DPP10: variants seen among roughly 807,000 people sequenced by gnomAD.
The protein encoded by DPP10 is inactive dipeptidyl peptidase 10.
Under a neutral mutation model 120.9 loss-of-function variants are expected in DPP10, and 33 were observed. That is an observed-to-expected ratio of 0.27 (90% confidence interval 0.21 to 0.37). DPP10 has a LOEUF of 0.37. Among genes scored for constraint, DPP10 ranks in the 10% least tolerant of loss-of-function variants. The pLI is 1.00. For missense variants in DPP10, 816 were observed against 942.8 expected (o/e 0.87, Z 1.76); for synonymous variants, 337 against 326.1 (o/e 1.03, Z -0.36).
intron 1 of DPP10, among the ~76,000 whole-genome samples, chr2:115,101,211 C>G (rs2048678468): frequency 6.6e-6 from 1 of 152,108 alleles, no homozygotes; most frequent in African/African-American, 2.4e-5. Context: ...TTGCTCAATC[C>G]CAGGTGTGCA....
intron 1 of DPP10, among the ~76,000 whole-genome samples, chr2:115,172,323 G>A (rs1289908034): frequency 6.6e-6 from 1 of 151,534 alleles, no homozygotes; most frequent in Non-Finnish European, 1.5e-5. Context: ...GGCGGAGCTT[G>A]CAGTGAGCCC....
chr2:115,056,613 C>T (rs979396263), intron 1 of DPP10, among the ~76,000 whole-genome samples: 4 of 152,100 alleles, frequency 2.6e-5, no homozygotes, highest in Non-Finnish European at 5.9e-5. Flanking sequence ...CTAATTTAAA[C>T]CCCCAAAAGT....
intron 1 of DPP10, among the ~76,000 whole-genome samples, chr2:115,184,236 C>A (rs2054276052): frequency 6.6e-6 from 1 of 152,144 alleles, no homozygotes; most frequent in Non-Finnish European, 1.5e-5. Flanking sequence ...GTTCAGTCAT[C>A]TGAATGATAT....
At chr2:114,967,003 T>C (rs1356972183) in intron 1 of DPP10, among the ~76,000 whole-genome samples, 1 of 151,980 alleles carries the variant, frequency 6.6e-6, no homozygotes, top group African/African-American at 2.4e-5. Flanking sequence ...GACCACACCA[T>C]TGTACACCAG....
chr2:115,000,059 C>A (rs2104993544), intron 1 of DPP10, among the ~76,000 whole-genome samples: 1 of 151,852 alleles, frequency 6.6e-6, no homozygotes, highest in East Asian at 1.9e-4. Context: ...CATGACCATC[C>A]CTAAACTCAG....
intron 1 of DPP10, among the ~76,000 whole-genome samples, chr2:114,667,928 A>G (rs1358503705): frequency 6.6e-6 from 1 of 152,198 alleles, no homozygotes; most frequent in Non-Finnish European, 1.5e-5. Context: ...AGTTTTACAA[A>G]TATTCAATAA....
chr2:114,531,317 T>G (rs1343165141), intron 1 of DPP10, among the ~76,000 whole-genome samples: 3 of 152,080 alleles, frequency 2.0e-5, no homozygotes, highest in East Asian at 3.9e-4. Flanking sequence ...TCTTCAAGAA[T>G]TTCTCTGAAG....
chr2:115,086,995 A>G (rs764543270), intron 1 of DPP10, among the ~76,000 whole-genome samples: 20 of 152,218 alleles, frequency 1.3e-4, no homozygotes, highest in Non-Finnish European at 2.6e-4. Context: ...TCACGAGAGC[A>G]AACAGTGCAG....
At chr2:115,577,437 A>AG (rs2081743924) in intron 5 of DPP10, among the ~76,000 whole-genome samples, 1 of 152,158 alleles carries the variant, frequency 6.6e-6, no homozygotes, top group Admixed American at 6.5e-5. Flanking sequence ...ATATTAATGG[A>AG]GCCTCTCTCA....
intron 1 of DPP10, among the ~76,000 whole-genome samples, chr2:114,529,587 T>C (rs1006959825): frequency 2.6e-5 from 4 of 152,206 alleles, no homozygotes; most frequent in African/African-American, 9.6e-5. Context: ...TTGAAGGTCT[T>C]CTTTAATTCT....
Position 115,180,919 on chromosome 2 carries a change from T to C in DPP10, c.61-128320T>C, listed in dbSNP as rs868689249. On this transcript the variant is annotated intron_variant, in intron 1 of 25. Transcript: ENST00000410059. ...CTCCCTCCCTCCATGCCTCCCTTCC[T>C]CCTGCCTCCCTCCCTTTCTTAAGCA... Among the ~76,000 whole-genome samples, 4 of 152,108 alleles carry C rather than the reference T, an allele frequency of 2.6e-5. No homozygotes were observed. The South Asian group carries it at 8.3e-4, about 32-fold the overall frequency.
At chr2:115,005,253 C>T (rs1258365051) in intron 1 of DPP10, among the ~76,000 whole-genome samples, 3 of 152,080 alleles carry the variant, frequency 2.0e-5, no homozygotes, top group Non-Finnish European at 2.9e-5. Flanking sequence ...TAGATAAAAC[C>T]ACAAAGATGG....
intron 1 of DPP10, among the ~76,000 whole-genome samples, chr2:114,988,612 A>T (rs1052452696): frequency 6.6e-6 from 1 of 152,146 alleles, no homozygotes; most frequent in South Asian, 2.1e-4. Flanking sequence ...CTCTTTTTGT[A>T]GCCCTTTTTC....
intron 1 of DPP10, among the ~76,000 whole-genome samples, chr2:114,543,867 G>GC (rs1558865024): frequency 2.0e-5 from 1 of 49,154 alleles, no homozygotes; most frequent in Non-Finnish European, 4.2e-5. Context: ...AATGTAGCTT[G>GC]TTTTTTTTGT....
chr2:115,381,034 G>A (rs144672703), intron 3 of DPP10, among the ~76,000 whole-genome samples: 1,681 of 152,162 alleles, frequency 0.011, 24 homozygotes, highest in African/African-American at 0.035. Context: ...ATGTGTCTTA[G>A]AGTTGCTCTT....
intron 1 of DPP10, among the ~76,000 whole-genome samples, chr2:114,755,942 G>A (rs1216888161): frequency 7.5e-5 from 10 of 133,376 alleles, no homozygotes; most frequent in Admixed American, 4.8e-4. Flanking sequence ...GACAGTGCTA[G>A]GAAGAAATTA....
intron 1 of DPP10, among the ~76,000 whole-genome samples, chr2:114,642,751 GT>G (rs1186698641): frequency 6.6e-6 from 1 of 151,788 alleles, no homozygotes; most frequent in East Asian, 1.9e-4. Flanking sequence ...CTTTCAGAGT[GT>G]TTCTTAACAA....
intron 2 of DPP10, among the ~76,000 whole-genome samples, chr2:115,335,509 C>A: frequency 6.6e-6 from 1 of 151,642 alleles, no homozygotes; most frequent in East Asian, 1.9e-4. Context: ...AAAGTTTCAG[C>A]ATCCTAGGGA....
intron 3 of DPP10, among the ~76,000 whole-genome samples, chr2:115,408,502 A>G (rs1330982429): frequency 6.6e-6 from 1 of 152,138 alleles, no homozygotes; most frequent in Non-Finnish European, 1.5e-5. Flanking sequence ...AAAATATTTT[A>G]CACAACTGTA....
Sources: gnomAD v4.1 joint callset for allele counts (sites outside exome capture counted in the v4.1 genomes callset) on GRCh38, gnomAD v4.1.1 for gene constraint, MANE v1.5 for transcripts, NCBI Gene and HGNC (gene_info 2026-07-23, HGNC 2026-07-21) for gene names.